Variants in INPP4B observed in about 807,000 individuals in gnomAD.
The protein encoded by INPP4B is inositol polyphosphate-4-phosphatase type II B.
Under a neutral mutation model 122.5 loss-of-function variants are expected in INPP4B, and 55 were observed. That is an observed-to-expected ratio of 0.45 (90% CI 0.36 to 0.56). The LOEUF is 0.56. Ranked by LOEUF, INPP4B falls within the 20% of genes least tolerant of loss-of-function variation. The pLI is 0.00. For missense variants in INPP4B, 1,000 were observed against 1,097.7 expected (o/e 0.91, Z 1.26); for synonymous variants, 403 against 388.7 (o/e 1.04, Z -0.43).
At chr4:142,432,442 T>A (rs1286929590) in intron 3 of INPP4B, among the ~76,000 whole-genome samples, 1 of 152,076 alleles carries the variant, frequency 6.6e-6, no homozygotes, top group East Asian at 1.9e-4. Flanking sequence ...ATAATAAAAT[T>A]ATAGATAAAT....
chr4:142,267,622 A>G (rs1164884360), intron 10 of INPP4B, among the ~76,000 whole-genome samples: 1 of 152,224 alleles, frequency 6.6e-6, no homozygotes, highest in African/African-American at 2.4e-5. Flanking sequence ...AAGTACTAGG[A>G]AGAAAACATT....
chr4:142,059,451 ATC>A (rs1392979059), intron 25 of INPP4B, among the ~76,000 whole-genome samples: 2 of 152,088 alleles, frequency 1.3e-5, no homozygotes, highest in African/African-American at 4.8e-5. Context: ...ATCATCATGT[ATC>A]TGTATGTGAT....
At chr4:142,456,348 C>T (rs1156727416) in intron 3 of INPP4B, among the ~76,000 whole-genome samples, 2 of 151,966 alleles carry the variant, frequency 1.3e-5, no homozygotes, top group African/African-American at 4.8e-5. Context: ...GATCTAGCTT[C>T]ATTTATCTGC....
chr4:142,291,714 C>T (rs576531172), intron 9 of INPP4B, among the ~76,000 whole-genome samples: 1 of 152,182 alleles, frequency 6.6e-6, no homozygotes, highest in Admixed American at 6.6e-5. Flanking sequence ...ATAGGGAAGG[C>T]ATTAGGTAGA....
At chr4:142,385,077 G>A (rs1795506958) in intron 7 of INPP4B, among the ~76,000 whole-genome samples, 1 of 152,126 alleles carries the variant, frequency 6.6e-6, no homozygotes, top group Admixed American at 6.6e-5. Flanking sequence ...ACACATGCAT[G>A]CATGCATCCT....
At chr4:142,737,488 A>C (rs1237349633) in intron 1 of INPP4B, among the ~76,000 whole-genome samples, 1 of 152,216 alleles carries the variant, frequency 6.6e-6, no homozygotes, top group African/African-American at 2.4e-5. Context: ...CTTACATGTT[A>C]GACCTAAAAC....
At position 142,193,110 on chromosome 4, in the gene INPP4B, A is replaced by G. The variant is rs1392102448; in HGVS notation, c.1158T>C (p.His386=). ...FKNGGLRKLL[H]RFETERRNTG... The stretch of plus-strand genomic sequence containing the variant: ...ACTTTCTTCTTTCTGTTTCAAATCT[A>G]TGGAGTAGCTTCCGAAGACCACCAT... Residue 386 remains histidine (H), a synonymous_variant, in exon 15 of 26, where the codon CAT becomes CAC. Transcript: ENST00000262992. 6.2e-7 allele frequency: 1 copy of G among 1,609,166 alleles called. No homozygotes were observed. Among genetic ancestry groups the G allele is most frequent in the Admixed American group, 1.7e-5 (1 of 59,998 alleles).
chr4:142,422,676 G>A (rs529718842), intron 5 of INPP4B, among the ~76,000 whole-genome samples: 1 of 152,176 alleles, frequency 6.6e-6, no homozygotes, highest in African/African-American at 2.4e-5. Flanking sequence ...AGCCAGGCAT[G>A]GTCATGTGCA....
intron 2 of INPP4B, among the ~76,000 whole-genome samples, chr4:142,582,284 G>C (rs1735266927): frequency 6.6e-6 from 1 of 151,966 alleles, no homozygotes; most frequent in Non-Finnish European, 1.5e-5. Flanking sequence ...AGGTCCAAGA[G>C]TGGACCTGGA....
At chr4:142,210,426 G>C (rs966485667) in intron 12 of INPP4B, among the ~76,000 whole-genome samples, 6 of 151,930 alleles carry the variant, frequency 3.9e-5, no homozygotes, top group African/African-American at 1.5e-4. Flanking sequence ...GGGAGAAAAA[G>C]TAATTAATCA....
chr4:142,356,533 A>G (rs1436583808), intron 7 of INPP4B, among the ~76,000 whole-genome samples: 5 of 151,782 alleles, frequency 3.3e-5, no homozygotes, highest in African/African-American at 1.2e-4. Flanking sequence ...AGGAGCTGGG[A>G]GGATAAAAGG....
In INPP4B at chr4:142,314,743, G is replaced by T; in HGVS notation, c.392C>A (p.Pro131Gln). ...SHDTVRTSVLPEHKDPPPEVG... is the reference protein window; with the variant it reads ...SHDTVRTSVLQEHKDPPPEVG... ...TTCTGGCGGGGGATCCTTATGTTCT[G>T]GTAGGACACTGGTTCGAACCTGTGG... Residue 131 changes from proline to glutamine, a missense_variant, in exon 8 of 26, where the codon CCA (proline) becomes CAA (glutamine). Pro to Gln is a moderately conservative substitution (Grantham distance 76). Coordinates refer to ENST00000262992, the MANE Select transcript of INPP4B (RefSeq NM_001101669.3). 1 of 1,598,136 alleles carries T rather than the reference G, an allele frequency of 6.3e-7. No individual in the cohort carries two copies. Among genetic ancestry groups the T allele is most frequent in the South Asian group, 1.2e-5 (1 of 86,780 alleles).
In INPP4B at chr4:142,739,674, A is replaced by C. The variant is rs567458995; in HGVS notation, c.-253-13773T>G. Among the ~76,000 whole-genome samples the C allele has an allele frequency of 2.0e-5, 3 of 152,134 alleles. No individual in the cohort carries two copies. In the East Asian group the frequency reaches 5.8e-4, roughly 29 times the overall value. On this transcript the variant is annotated intron_variant, in intron 1 of 25. Transcript: ENST00000262992. ...GAGGAACATTAAGAGCCTAGAAAAG[A>C]CATCAATGATACAGAAATTTTAGCA... is the stretch of plus-strand genomic sequence containing the variant.
chr4:142,404,461 G>C (rs1184086020), intron 6 of INPP4B, among the ~76,000 whole-genome samples: 4 of 152,126 alleles, frequency 2.6e-5, no homozygotes, highest in Non-Finnish European at 5.9e-5. Flanking sequence ...CATTCATTAA[G>C]GTTGTGAAAT....
chr4:142,161,173 T>A (rs550084725), intron 16 of INPP4B, among the ~76,000 whole-genome samples: 33 of 152,154 alleles, frequency 2.2e-4, no homozygotes, highest in African/African-American at 7.7e-4. Context: ...TTCCACTAAA[T>A]TGTTTCAGTA....
chr4:142,195,284 G>C (rs1497145), intron 14 of INPP4B, among the ~76,000 whole-genome samples: 6,137 of 152,268 alleles, frequency 0.04, 719 homozygotes, highest in East Asian at 0.34. Flanking sequence ...GAAATGGAGA[G>C]GGGGAATGCA....
chr4:142,313,014 G>A (rs1272842908), intron 8 of INPP4B, among the ~76,000 whole-genome samples: 1 of 152,176 alleles, frequency 6.6e-6, no homozygotes, highest in Non-Finnish European at 1.5e-5. Flanking sequence ...AGAAGAAAGG[G>A]CAGGACATGT....
At chr4:142,467,039 G>A (rs1817921955) in intron 2 of INPP4B, among the ~76,000 whole-genome samples, 1 of 152,202 alleles carries the variant, frequency 6.6e-6, no homozygotes, top group Non-Finnish European at 1.5e-5. Flanking sequence ...AAGATTGGTT[G>A]CCCAAGTAGA....
intron 1 of INPP4B, among the ~76,000 whole-genome samples, chr4:142,795,980 T>A (rs543251679): frequency 1.3e-5 from 2 of 152,008 alleles, no homozygotes; most frequent in African/African-American, 4.8e-5. Flanking sequence ...AAGAATATTA[T>A]CTAATATGAG....
Sources: allele counts gnomAD v4.1 joint callset (sites outside exome capture counted in the v4.1 genomes callset), GRCh38; gene constraint gnomAD v4.1.1; transcripts MANE v1.5; gene names NCBI Gene and HGNC (gene_info 2026-07-23, HGNC 2026-07-21).